The following GALK2 variants were observed in gnomAD, a reference collection of about 807,000 sequenced individuals.
The protein encoded by GALK2 is galactokinase 2, also known as N-acetylgalactosamine kinase.
A neutral mutation model predicts 52.4 loss-of-function variants in GALK2; 36 were observed. That is an observed-to-expected ratio of 0.69 (90% confidence interval 0.53 to 0.91). The LOEUF is 0.91. GALK2 is among the 40% of genes least tolerant of loss of function. The pLI, the probability that GALK2 is intolerant of heterozygous loss-of-function variation, is 0.00. For synonymous variants in GALK2, 176 were observed against 199.1 expected (o/e 0.88, Z 0.98); for missense variants, 579 against 559.1 (o/e 1.04, Z -0.36).
At position 49,319,663 on chromosome 15, in the gene GALK2, C is replaced by T; in HGVS notation, c.1027C>T (p.Leu343Phe). 6.2e-7 allele frequency: 1 copy of T among 1,614,124 alleles called. No homozygotes were observed. Among genetic ancestry groups the T allele is most frequent in the East Asian group, 2.2e-5 (1 of 44,864 alleles). ...KHVYSEAARV[L>F]QFKKICEEAP... Reference sequence around the variant, plus strand: ...TGTGTACAGCGAGGCTGCGCGAGTGCTCCAGTTTAAGAAGATATGTGAAGA... The same window carrying T: ...TGTGTACAGCGAGGCTGCGCGAGTGTTCCAGTTTAAGAAGATATGTGAAGA... The change falls in exon 9 of 10, where the codon CTC becomes TTC. Residue 343 changes from leucine to phenylalanine, a missense_variant. Transcript: ENST00000560031.
intron 5 of GALK2, among the ~76,000 whole-genome samples, chr15:49,243,876 A>G (rs1314064302): frequency 6.6e-6 from 1 of 151,958 alleles, no homozygotes; most frequent in Non-Finnish European, 1.5e-5. Flanking sequence ...CAATCTCAGC[A>G]GTTTGGGAGG....
intron 8 of GALK2, among the ~76,000 whole-genome samples, chr15:49,305,940 T>A (rs1331851747): frequency 6.6e-6 from 1 of 152,234 alleles, no homozygotes; most frequent in African/African-American, 2.4e-5. Context: ...ATTTATTCTT[T>A]CAGGGTATTG....
intron 2 of GALK2, among the ~76,000 whole-genome samples, chr15:49,212,021 T>C (rs185791337): frequency 6.6e-6 from 1 of 152,346 alleles, no homozygotes; most frequent in Admixed American, 6.5e-5. Flanking sequence ...ATGCCTTGAC[T>C]CTCTGCTATC....
At chr15:49,210,956 G>GACACACACAC (rs2088811277) in intron 2 of GALK2, among the ~76,000 whole-genome samples, 4 of 87,466 alleles carry the variant, frequency 4.6e-5, no homozygotes, top group Non-Finnish European at 7.3e-5. Context: ...AATGTTGGCT[G>GACACACACAC]TCACACACAC....
Position 49,201,267 on chromosome 15 carries a change from T to A in GALK2, c.142+17T>A, listed in dbSNP as rs1180033866. The A allele has an allele frequency of 6.9e-7, 1 of 1,440,736 alleles. No individual in the cohort carries two copies. The highest frequency in any genetic ancestry group is 1.2e-5 in the South Asian group (1 of 81,398). The allele number at this position is 1,440,736 out of a possible 1,614,324, so 89.2% of individuals were successfully genotyped here. ...ACATAATAGGTATTTCAAAAGTTCC[T>A]TCTCTTAATTTTTTTCTTCATCCTT... On this transcript the variant is annotated intron_variant, in intron 2 of 9. Coordinates refer to ENST00000560031, the MANE Select transcript of GALK2 (RefSeq NM_002044.4).
chr15:49,155,819 G>A, exon 1 of GALK2: 2 of 724,312 alleles, frequency 2.8e-6, no homozygotes, highest in Non-Finnish European at 4.6e-6. Context: ...CTGGGACATC[G>A]TCCGGTGCTG....
At chr15:49,312,919 A>C (rs755773126) in intron 8 of GALK2, among the ~76,000 whole-genome samples, 1 of 152,234 alleles carries the variant, frequency 6.6e-6, no homozygotes, top group Non-Finnish European at 1.5e-5. Context: ...ACAGTGGCTC[A>C]TTATGGCATG....
chr15:49,222,997 G>T (rs946312861), intron 3 of GALK2: 1 of 152,198 alleles, frequency 6.6e-6, no homozygotes, highest in Non-Finnish European at 1.5e-5. Flanking sequence ...ATTTTTCAGT[G>T]AAGCTGTCCA....
chr15:49,245,281 C>T lies in GALK2; in HGVS notation c.504+5914C>T, dbSNP rs116393875. 2.3e-3 allele frequency among the ~76,000 whole-genome samples: 355 copies of T among 152,162 alleles called. 2 individuals carry two copies. The highest frequency in any genetic ancestry group is 8.4e-3 in the African/African-American group (349 of 41,526). ...TGGAATTGGAAGCAAAAGCAAAGAGCCAAAAGTATTTGCCGTTGTACACAT... is the reference window on the plus strand; with the variant it reads ...TGGAATTGGAAGCAAAAGCAAAGAGTCAAAAGTATTTGCCGTTGTACACAT... On this transcript the variant is annotated intron_variant, in intron 5 of 9. Transcript: ENST00000560031.
At chr15:49,181,490 T>A (rs549548165) in intron 1 of GALK2, among the ~76,000 whole-genome samples, 21 of 146,970 alleles carry the variant, frequency 1.4e-4, no homozygotes, top group African/African-American at 3.7e-4. Context: ...GTTTCTTTTT[T>A]AAAAAAAAGA....
In GALK2 at chr15:49,327,943, C is replaced by CTGTT. The variant is rs1567070082; in HGVS notation, c.1170-7_1170-4dup. ...ATAGGTTCTAATATTTTTTTCCTCA[C>CTGTT]TGTTTTAGGAAGTTTGGGGCTCAAG... On this transcript the variant is annotated splice_polypyrimidine_tract_variant and intron_variant, in intron 9 of 9. Coordinates refer to ENST00000560031, the MANE Select transcript of GALK2 (RefSeq NM_002044.4). 4 of 1,592,390 alleles carry CTGTT rather than the reference C, an allele frequency of 2.5e-6. No homozygotes were observed. The South Asian group carries it at 3.4e-5, about 14-fold the overall frequency.
chr15:49,256,894 A>G (rs1053995104), intron 5 of GALK2, among the ~76,000 whole-genome samples: 7 of 152,190 alleles, frequency 4.6e-5, no homozygotes, highest in Non-Finnish European at 8.8e-5. Flanking sequence ...GCCTAACTGA[A>G]TTAATTAAAA....
At chr15:49,183,552 G>T (rs1228986796) in intron 1 of GALK2, among the ~76,000 whole-genome samples, 2 of 152,096 alleles carry the variant, frequency 1.3e-5, no homozygotes, top group Non-Finnish European at 2.9e-5. Context: ...AATTTTTAAA[G>T]ACTAGTTTTG....
chr15:49,219,040 T>C (rs755742438), intron 3 of GALK2, among the ~76,000 whole-genome samples: 14 of 152,208 alleles, frequency 9.2e-5, no homozygotes, highest in Middle Eastern at 3.2e-3. Context: ...TTGACCAGGC[T>C]GGTCTTAAGC....
chr15:49,299,760 T>TTTCC (rs2034893076), intron 8 of GALK2, among the ~76,000 whole-genome samples: 1 of 123,532 alleles, frequency 8.1e-6, no homozygotes, highest in African/African-American at 3.0e-5. Flanking sequence ...TCTTTCTTTC[T>TTTCC]TTCTTTCTTT....
chr15:49,269,627 T>C (rs79307337), intron 5 of GALK2, among the ~76,000 whole-genome samples: 2,632 of 152,276 alleles, frequency 0.017, 93 homozygotes, highest in African/African-American at 0.061. Context: ...GTATAGTTTT[T>C]CCCTAGGAAT....
rs187505664 is a variant in GALK2, at chr15:49,361,596, C to T, written c.427-5895C>T. Among the ~76,000 whole-genome samples, 703 of 152,266 alleles carry T rather than the reference C, an allele frequency of 4.6e-3. 7 individuals are homozygous for T. Among genetic ancestry groups the T allele is most frequent in the Non-Finnish European group, 4.9e-3 (336 of 68,022 alleles). On this transcript the variant is annotated intron_variant, in intron 3 of 3. Coordinates refer to the GALK2 transcript ENST00000558399. Reference sequence around the variant, plus strand: ...ATGATCTTGTTAGTTTTTATGGCTGCACAGTATTCCCTGGTGTATATGTAC... The same window carrying T: ...ATGATCTTGTTAGTTTTTATGGCTGTACAGTATTCCCTGGTGTATATGTAC...
rs928810633 is a variant in GALK2 at position 49,172,401 on chromosome 15, T to G, written c.53+2026T>G. ...TTCATTTGTGCACAAAATGCAATTA[T>G]TAGCTTCAAGCAATGTTTTATTTGC... On this transcript the variant is annotated intron_variant, in intron 1 of 9. Coordinates refer to ENST00000560031, the MANE Select transcript of GALK2 (RefSeq NM_002044.4). Among the ~76,000 whole-genome samples, 4 of 152,374 alleles carry G rather than the reference T, an allele frequency of 2.6e-5. No homozygotes were observed. The South Asian group carries it at 6.2e-4, about 24-fold the overall frequency.
chr15:49,260,490 T>C (rs4508374), intron 5 of GALK2, among the ~76,000 whole-genome samples: 130,410 of 139,772 alleles, frequency 0.93, 60,913 homozygotes, highest in South Asian at 0.98. Context: ...GAGTAGGTTG[T>C]GAAAATTTTC....
Sources: gnomAD v4.1 joint callset for allele counts (sites outside exome capture counted in the v4.1 genomes callset) on GRCh38, gnomAD v4.1.1 for gene constraint, MANE v1.5 for transcripts, NCBI Gene and HGNC (gene_info 2026-07-23, HGNC 2026-07-21) for gene names.